Variants in CSMD1 observed in about 807,000 individuals in gnomAD.
The protein encoded by CSMD1 is CUB and sushi domain-containing protein 1.
CSMD1 carries 213 observed loss-of-function variants against 417.5 expected under a neutral mutation model. The observed-to-expected ratio is 0.51, with a 90% CI of 0.46 to 0.57. The LOEUF (loss-of-function observed/expected upper bound fraction) is 0.57, where lower values mean the gene tolerates loss of function less well. CSMD1 is among the 20% of genes least tolerant of loss of function. The pLI, the probability that CSMD1 is intolerant of heterozygous loss-of-function variation, is 0.00. For synonymous variants in CSMD1, 2,862 were observed against 1,736.8 expected, an observed-to-expected ratio of 1.65 and a Z score of -16.11; for missense variants, 6,923 against 4,529.7, an observed-to-expected ratio of 1.53 and a Z score of -15.17.
intron 2 of CSMD1, among the ~76,000 whole-genome samples, chr8:4,570,525 A>G (rs1798836270): frequency 6.6e-6 from 1 of 152,078 alleles, no homozygotes; most frequent in Non-Finnish European, 1.5e-5. Flanking sequence ...GTGCTGCTGG[A>G]TTTGATTTGC....
intron 14 of CSMD1, among the ~76,000 whole-genome samples, chr8:3,407,272 T>A (rs931532135): frequency 6.6e-6 from 1 of 150,996 alleles, no homozygotes; most frequent in Non-Finnish European, 1.5e-5. Context: ...TATGGATTGA[T>A]AGATGGATGG....
intron 3 of CSMD1, among the ~76,000 whole-genome samples, chr8:4,199,738 C>T (rs779071433): frequency 6.6e-6 from 1 of 152,034 alleles, no homozygotes; most frequent in Non-Finnish European, 1.5e-5. Flanking sequence ...ATGCTTTGAT[C>T]CTCTTAAAAT....
intron 1 of CSMD1, among the ~76,000 whole-genome samples, chr8:4,727,245 T>C (rs753125589): frequency 1.3e-5 from 2 of 152,204 alleles, no homozygotes; most frequent in African/African-American, 2.4e-5. Context: ...CAAGCATTTC[T>C]GTTTTCACAT....
At chr8:4,014,336 G>C (rs1428479034) in intron 4 of CSMD1, among the ~76,000 whole-genome samples, 1 of 152,136 alleles carries the variant, frequency 6.6e-6, no homozygotes, top group African/African-American at 2.4e-5. Context: ...TTCAATTATA[G>C]AGAGAAAATA....
chr8:3,605,273 C>A (rs2449169), intron 8 of CSMD1, among the ~76,000 whole-genome samples: 108,430 of 152,016 alleles, frequency 0.71, 39,271 homozygotes, highest in Non-Finnish European at 0.78. Context: ...TACAGGCGTG[C>A]GCCATCGCGC....
In CSMD1 at chr8:3,653,232, A is replaced by C. The variant is rs773112854; in HGVS notation, c.1010-36435T>G. On this transcript the variant is annotated intron_variant, in intron 7 of 69. Coordinates refer to ENST00000635120, the MANE Select transcript of CSMD1 (RefSeq NM_033225.6). ...TTTCCAAACTTTTCTTATTTTTTAC[A>C]TTGTCTCATATAAATATCAAATAGA... Among the ~76,000 whole-genome samples the C allele has an allele frequency of 1.1e-4, 17 of 152,034 alleles. 1 individual carries two copies. Among genetic ancestry groups the C allele is most frequent in the Non-Finnish European group, 2.5e-4 (17 of 68,000 alleles).
intron 2 of CSMD1, among the ~76,000 whole-genome samples, chr8:4,433,476 T>A (rs1245312767): frequency 6.6e-6 from 1 of 152,194 alleles, no homozygotes; most frequent in East Asian, 1.9e-4. Flanking sequence ...ACTGGCTATC[T>A]GCAAGCGCGG....
chr8:3,115,726 A>G (rs1489100164), intron 42 of CSMD1, among the ~76,000 whole-genome samples: 1 of 152,224 alleles, frequency 6.6e-6, no homozygotes, highest in Non-Finnish European at 1.5e-5. Context: ...TATTTTCAGT[A>G]TATAAATACA....
intron 9 of CSMD1, among the ~76,000 whole-genome samples, chr8:3,585,717 T>C (rs1444841555): frequency 2.6e-5 from 4 of 152,188 alleles, no homozygotes; most frequent in Non-Finnish European, 5.9e-5. Flanking sequence ...TAACAATTCC[T>C]TTTATTACTT....
chr8:4,624,444 T>C (rs1006953166), intron 2 of CSMD1, among the ~76,000 whole-genome samples: 3 of 152,162 alleles, frequency 2.0e-5, no homozygotes, highest in African/African-American at 7.2e-5. Flanking sequence ...TACCAGCATA[T>C]GGCACTGACA....
At position 3,187,882 on chromosome 8, in the gene CSMD1, C is replaced by G. The variant is rs1408440521; in HGVS notation, c.5607G>C (p.Leu1869=). ...ACTCCATCTTACCTGAGAAGCTTCC[C>G]AGTCTGGGTGCGGTCACATCCCCAC... ...HDGGDVTAPR[L]GSFSGTTVPA... The change falls in exon 36 of 70, where the codon CTG becomes CTC. Residue 1869 remains leucine (L), a synonymous_variant. Transcript: ENST00000635120. The G allele has an allele frequency of 2.5e-6, 4 of 1,612,820 alleles. No individual in the cohort carries two copies. Among genetic ancestry groups the G allele is most frequent in the Non-Finnish European group, 3.4e-6 (4 of 1,179,412 alleles).
At chr8:4,280,549 A>C (rs561759684) in intron 3 of CSMD1, among the ~76,000 whole-genome samples, 1 of 152,320 alleles carries the variant, frequency 6.6e-6, no homozygotes, top group Non-Finnish European at 1.5e-5. Context: ...TTTGCATATC[A>C]ACACTGTTAG....
chr8:3,734,260 G>A (rs1341095396), intron 6 of CSMD1, among the ~76,000 whole-genome samples: 3 of 152,180 alleles, frequency 2.0e-5, no homozygotes, highest in Non-Finnish European at 2.9e-5. Context: ...ACCATTCCAT[G>A]TTTCATCTCC....
At chr8:4,030,404 A>G (rs1047483540) in intron 4 of CSMD1, among the ~76,000 whole-genome samples, 1 of 152,198 alleles carries the variant, frequency 6.6e-6, no homozygotes, top group Non-Finnish European at 1.5e-5. Context: ...TCGCAGGCTC[A>G]ACACCACATG....
intron 7 of CSMD1, among the ~76,000 whole-genome samples, chr8:3,640,984 T>C (rs1418796443): frequency 6.6e-6 from 1 of 151,264 alleles, no homozygotes; most frequent in African/African-American, 2.4e-5. Context: ...TTAGAAAATA[T>C]ACCATCATTT....
At chr8:3,428,868 G>A (rs1015601446) in intron 12 of CSMD1, among the ~76,000 whole-genome samples, 5 of 152,186 alleles carry the variant, frequency 3.3e-5, no homozygotes, top group African/African-American at 1.2e-4. Flanking sequence ...AAAAAAGAAA[G>A]AAATCCTGTC....
chr8:4,718,674 C>T (rs546215598), intron 1 of CSMD1, among the ~76,000 whole-genome samples: 1 of 151,746 alleles, frequency 6.6e-6, no homozygotes, highest in Non-Finnish European at 1.5e-5. Context: ...CTATTTTAAA[C>T]TAAGAAAGAA....
chr8:3,777,910 C>A (rs1454337608), intron 5 of CSMD1, among the ~76,000 whole-genome samples: 3 of 151,504 alleles, frequency 2.0e-5, no homozygotes, highest in Admixed American at 2.0e-4. Flanking sequence ...GTTCCCACTC[C>A]AGACCCGCAG....
intron 10 of CSMD1, among the ~76,000 whole-genome samples, chr8:3,502,044 C>A (rs1294634164): frequency 6.6e-6 from 1 of 152,140 alleles, no homozygotes; most frequent in Non-Finnish European, 1.5e-5. Context: ...ATATGCTTAT[C>A]AAATAATGAA....
Sources: allele counts gnomAD v4.1 joint callset (sites outside exome capture counted in the v4.1 genomes callset), GRCh38; gene constraint gnomAD v4.1.1; transcripts MANE v1.5; gene names NCBI Gene and HGNC (gene_info 2026-07-23, HGNC 2026-07-21).